AKAP13: variants seen among roughly 807,000 people sequenced by gnomAD.
The protein encoded by AKAP13 is A-kinase anchoring protein 13.
In AKAP13, 80 loss-of-function variants were observed where a neutral mutation model predicts 264.5. The observed-to-expected ratio is 0.30, with a 90% CI of 0.25 to 0.36. The LOEUF (loss-of-function observed/expected upper bound fraction) is 0.36. AKAP13 is among the 10% of genes least tolerant of loss of function. The pLI is 1.00. For missense variants in AKAP13, 3,712 were observed against 3,435.2 expected (o/e 1.08, Z -2.01); for synonymous variants, 1,380 against 1,250.2 (o/e 1.10, Z -2.19).
chr15:85,559,816 A>G (rs1334256849), intron 5 of AKAP13, among the ~76,000 whole-genome samples: 1 of 152,166 alleles, frequency 6.6e-6, no homozygotes, highest in Non-Finnish European at 1.5e-5. Context: ...GTGGCCTAAC[A>G]CGCCATAGAC....
intron 2 of AKAP13, among the ~76,000 whole-genome samples, chr15:85,495,153 A>T (rs555618967): frequency 2.6e-5 from 4 of 152,204 alleles, no homozygotes; most frequent in African/African-American, 9.7e-5. Context: ...CCTCAAGAGG[A>T]TGGTTACACA....
intron 8 of AKAP13, among the ~76,000 whole-genome samples, chr15:85,601,212 G>A (rs7167174): frequency 0.62 from 94,579 of 152,004 alleles, 29,559 homozygotes; most frequent in Middle Eastern, 0.72. Context: ...ATTTGCCCTG[G>A]TCTTTCAAAA....
chr15:85,580,161 C>G lies in AKAP13; in HGVS notation c.2093C>G (p.Pro698Arg), dbSNP rs140404467. Residue 698 changes from proline to arginine, a missense_variant, in exon 7 of 37, where the codon CCC becomes CGC. Coordinates refer to ENST00000394518, the MANE Select transcript of AKAP13 (RefSeq NM_007200.5). ...SESESTTARQ[P>R]SSQDPPDASH... ...TCCGAAAGCACCACAGCAAGGCAAC[C>G]CAGCTCACAAGATCCACCCGATGCC... The G allele has an allele frequency of 6.2e-7, 1 of 1,614,176 alleles. No individual in the cohort carries two copies. The highest frequency in any genetic ancestry group is 8.5e-7 in the Non-Finnish European group (1 of 1,180,028).
intron 1 of AKAP13, among the ~76,000 whole-genome samples, chr15:85,477,750 T>G (rs2075220565): frequency 6.6e-6 from 1 of 152,042 alleles, no homozygotes; most frequent in South Asian, 2.1e-4. Flanking sequence ...CCTTGTATAA[T>G]GGCTGAGATT....
At chr15:85,592,607 G>A (rs1394308713) in intron 8 of AKAP13, among the ~76,000 whole-genome samples, 1 of 152,148 alleles carries the variant, frequency 6.6e-6, no homozygotes, top group Non-Finnish European at 1.5e-5. Flanking sequence ...TGTAAGAGAG[G>A]CAGGCTCTCC....
chr15:85,647,097 G>A (rs929944455), intron 10 of AKAP13, among the ~76,000 whole-genome samples: 3 of 152,146 alleles, frequency 2.0e-5, no homozygotes, highest in Admixed American at 6.5e-5. Flanking sequence ...GAATGATGCT[G>A]TGTAGAAGTT....
intron 8 of AKAP13, among the ~76,000 whole-genome samples, chr15:85,633,560 T>G (rs2081949809): frequency 8.1e-6 from 1 of 124,050 alleles, no homozygotes; most frequent in Non-Finnish European, 1.6e-5. Flanking sequence ...TTTTTTTTTT[T>G]TGAGACGGAG....
intron 1 of AKAP13, among the ~76,000 whole-genome samples, chr15:85,456,087 A>G (rs561342941): frequency 6.6e-6 from 1 of 152,348 alleles, no homozygotes; most frequent in Non-Finnish European, 1.5e-5. Context: ...TCTTGCTGCA[A>G]ACATAATTAG....
intron 8 of AKAP13, chr15:85,624,402 G>T (rs2081318603): frequency 6.6e-6 from 1 of 152,184 alleles, no homozygotes; most frequent in African/African-American, 2.4e-5. Flanking sequence ...GGCTGAGGAG[G>T]AATAGTCTGT....
intron 8 of AKAP13, among the ~76,000 whole-genome samples, chr15:85,621,052 G>A (rs1043218176): frequency 6.6e-6 from 1 of 152,220 alleles, no homozygotes; most frequent in African/African-American, 2.4e-5. Flanking sequence ...GAGGGTGTAT[G>A]TGGAGGTGAG....
intron 20 of AKAP13, 141 bp from the exon 21 acceptor site, chr15:85,717,149 C>T: frequency 3.6e-6 from 2 of 556,180 alleles, no homozygotes; most frequent in Non-Finnish European, 6.2e-6. Flanking sequence ...TTGCTGTGGC[C>T]CCGACATAAG....
At chr15:85,465,370 C>T (rs1253511838) in intron 1 of AKAP13, among the ~76,000 whole-genome samples, 1 of 151,778 alleles carries the variant, frequency 6.6e-6, no homozygotes, top group Non-Finnish European at 1.5e-5. Flanking sequence ...TATTATTATA[C>T]TTTAAGTTTT....
At chr15:85,485,451 G>A (rs867560377) in intron 1 of AKAP13, among the ~76,000 whole-genome samples, 2 of 152,200 alleles carry the variant, frequency 1.3e-5, no homozygotes, top group Non-Finnish European at 2.9e-5. Flanking sequence ...TGAAACTTCT[G>A]TGACAGTGAA....
At position 85,579,227 on chromosome 15, in the gene AKAP13, C is replaced by A. The variant is rs2079110017; in HGVS notation, c.1159C>A (p.Pro387Thr). The A allele has an allele frequency of 1.2e-6, 2 of 1,614,202 alleles. No individual in the cohort carries two copies. Among genetic ancestry groups the A allele is most frequent in the Non-Finnish European group, 1.7e-6 (2 of 1,180,032 alleles). Residue 387 changes from proline (P) to threonine (T), a missense_variant, in exon 7 of 37, where the codon CCT becomes ACT. By Grantham distance (38) the Pro-to-Thr change is conservative (BLOSUM62 -1). This residue lies in a region of AKAP13 where 2,759 missense variants were observed against 2,411.7 expected (regional missense o/e 1.14). Coordinates refer to ENST00000394518, the MANE Select transcript of AKAP13 (RefSeq NM_007200.5). Reference sequence around the variant, plus strand: ...AAAAGGGGAAGAGGTGGAGCCAGCACCTATTGTGGACTCTGGAACTGTATC... The same window carrying A: ...AAAAGGGGAAGAGGTGGAGCCAGCAACTATTGTGGACTCTGGAACTGTATC... ...ERKGEEVEPA[P>T]IVDSGTVSDQ...
intron 5 of AKAP13, among the ~76,000 whole-genome samples, chr15:85,560,788 T>G (rs2078343326): frequency 6.6e-6 from 1 of 152,202 alleles, no homozygotes; most frequent in Non-Finnish European, 1.5e-5. Context: ...GTTAAATTAT[T>G]TCCTTAGGCT....
rs140404718 is a variant in AKAP13, at chr15:85,455,247, A to G, written c.-11-30463A>G. On this transcript the variant is annotated intron_variant, in intron 1 of 36. Coordinates refer to ENST00000394518, the MANE Select transcript of AKAP13 (RefSeq NM_007200.5). ...AGATTTTTTTTTTAAGTCATTGGCA[A>G]ATGTGTTAATTAGAATTAGGCAGAG... 5.9e-5 allele frequency among the ~76,000 whole-genome samples: 9 copies of G among 152,232 alleles called. No individual in the cohort carries two copies. In the East Asian group the frequency reaches 1.7e-3, roughly 29 times the overall value.
intron 3 of AKAP13, among the ~76,000 whole-genome samples, chr15:85,524,493 A>T (rs2076948525): frequency 6.6e-6 from 1 of 150,870 alleles, no homozygotes; most frequent in Non-Finnish European, 1.5e-5. Flanking sequence ...TTTTATTATT[A>T]TTTTTTTATT....
intron 5 of AKAP13, among the ~76,000 whole-genome samples, chr15:85,568,661 A>G (rs1359727399): frequency 6.6e-6 from 1 of 152,180 alleles, no homozygotes; most frequent in Non-Finnish European, 1.5e-5. Context: ...TTGGTCATGA[A>G]GTTCTGTGGC....
intron 16 of AKAP13, among the ~76,000 whole-genome samples, chr15:85,686,316 C>T (rs2084926305): frequency 6.6e-6 from 1 of 152,138 alleles, no homozygotes; most frequent in Non-Finnish European, 1.5e-5. Context: ...AGGGCATTGC[C>T]TCCTCCCTCA....
Sources: gnomAD v4.1 joint callset for allele counts (sites outside exome capture counted in the v4.1 genomes callset) on GRCh38, gnomAD v4.1.1 for gene constraint, gnomAD v4.1.1 regional missense constraint, MANE v1.5 for transcripts, NCBI Gene and HGNC (gene_info 2026-07-23, HGNC 2026-07-21) for gene names.